Variants in TAS1R2 observed in about 807,000 individuals in gnomAD.
TAS1R2 encodes taste receptor type 1 member 2.
A neutral mutation model predicts 49.3 loss-of-function variants in TAS1R2; 47 were observed. That is an observed-to-expected ratio of 0.95 (90% CI 0.75 to 1.22). TAS1R2 has a LOEUF of 1.22. TAS1R2 is among the 50% of genes most tolerant of loss of function. The pLI, the probability that TAS1R2 is intolerant of heterozygous loss-of-function variation, is 0.00. For synonymous variants in TAS1R2, 479 were observed against 467.9 expected (o/e 1.02, Z -0.31); for missense variants, 1,155 against 1,122.1 (o/e 1.03, Z -0.42).
At chr1:18,857,779 C>T (rs1934168129) in intron 1 of TAS1R2, 148 bp from the exon 2 acceptor site, 2 of 843,444 alleles carry the variant, frequency 2.4e-6, no homozygotes, top group African/African-American at 1.7e-5. Flanking sequence ...GCATTTTCAC[C>T]ATGTCATTGT....
chr1:18,846,157 C>T (rs1038128331), intron 4 of TAS1R2, among the ~76,000 whole-genome samples: 4 of 152,204 alleles, frequency 2.6e-5, no homozygotes, highest in African/African-American at 9.6e-5. Context: ...AGCACCTGGC[C>T]TCGGCTACAC....
At position 18,841,668 on chromosome 1, in the gene TAS1R2, CCAGGGGCAGGG is replaced by C. The variant is rs774953417; in HGVS notation, c.1591+50_1591+60del. 2.8e-4 allele frequency: 438 copies of C among 1,576,642 alleles called. 1 individual carries two copies. In the Middle Eastern group the frequency reaches 6.5e-3, roughly 23 times the overall value. On this transcript the variant is annotated intron_variant, in intron 5 of 5. Transcript: ENST00000375371. ...CCAAGGAGGACAAGCCCTAGAGACT[CCAGGGGCAGGG>C]CAGGGGCAGGGCAGGGGCAGGGCAG...
chr1:18,840,256 G>A (rs202049971), exon 6 of TAS1R2: 16 of 1,614,012 alleles, frequency 9.9e-6, no homozygotes, highest in Middle Eastern at 1.6e-4. Flanking sequence ...GCGGCCCCAC[G>A]TACACCGGGA....
chr1:18,848,671 G>C (rs899682438), intron 4 of TAS1R2, among the ~76,000 whole-genome samples: 4 of 152,108 alleles, frequency 2.6e-5, no homozygotes, highest in Non-Finnish European at 5.9e-5. Flanking sequence ...CCTCCTGTCA[G>C]ATCAACATCC....
intron 3 of TAS1R2, among the ~76,000 whole-genome samples, chr1:18,849,941 T>C (rs1933991647): frequency 6.6e-6 from 1 of 152,192 alleles, no homozygotes; most frequent in Admixed American, 6.5e-5. Context: ...AAGGTGCTGA[T>C]AGATTTCCTT....
intron 2 of TAS1R2, 41 bp downstream of exon 2, chr1:18,857,290 C>A (rs775502253): frequency 1.3e-6 from 2 of 1,588,140 alleles, no homozygotes; most frequent in Non-Finnish European, 1.7e-6. Flanking sequence ...CATTCCTCTG[C>A]CCCCCTCCCC....
intron 3 of TAS1R2, among the ~76,000 whole-genome samples, chr1:18,850,249 T>C (rs4076837): frequency 0.12 from 18,346 of 152,294 alleles, 1,323 homozygotes; most frequent in Middle Eastern, 0.2. Context: ...TCTGAGCAAG[T>C]TTCTGAACCT....
intron 4 of TAS1R2, among the ~76,000 whole-genome samples, chr1:18,846,164 A>G (rs1933916857): frequency 6.6e-6 from 1 of 152,164 alleles, no homozygotes; most frequent in Admixed American, 6.5e-5. Flanking sequence ...GGCCTCGGCT[A>G]CACAGCTGTG....
intron 3 of TAS1R2, among the ~76,000 whole-genome samples, chr1:18,853,623 C>T (rs1195772872): frequency 2.0e-5 from 3 of 152,050 alleles, no homozygotes; most frequent in Admixed American, 1.3e-4. Context: ...GAGGCTGGCC[C>T]CAAACTGTGA....
rs1437018792 is a variant in TAS1R2, at chr1:18,854,544, A to G, written c.926T>C (p.Val309Ala). 1 of 1,613,670 alleles carries G rather than the reference A, an allele frequency of 6.2e-7. No individual in the cohort carries two copies. The highest frequency in any genetic ancestry group is 2.2e-5 in the East Asian group (1 of 44,890). Residue 309 changes from valine to alanine, a missense_variant, in exon 3 of 6, where the codon GTC (valine) becomes GCC (alanine). Transcript: ENST00000375371. The surrounding 1 kb of genome is among the most constrained non-coding windows in gnomAD (Gnocchi z 4.9). ...GCGCAGCTCCGTGAGGTTGTGCAGG[A>G]CCGGGTCGATGGCCCAGGACTCGGA... is the stretch of plus-strand genomic sequence containing the variant.
exon 4 of TAS1R2, chr1:18,849,439 G>C: frequency 6.2e-7 from 1 of 1,614,226 alleles, no homozygotes; most frequent in Non-Finnish European, 8.5e-7. Flanking sequence ...TTCTGGCTCC[G>C]GTCCCATTGC....
intron 1 of TAS1R2, 102 bp from the exon 2 acceptor site, chr1:18,857,733 G>T: frequency 1.5e-6 from 2 of 1,365,320 alleles, no homozygotes; most frequent in Non-Finnish European, 2.0e-6. Flanking sequence ...GGAAAGCCAA[G>T]GCATTGACTG....
rs143516189 is a variant in TAS1R2 at position 18,849,525 on chromosome 1, T to G, written c.1283A>C (p.Asn428Thr). Residue 428 changes from asparagine (N) to threonine (T), a missense_variant, in exon 4 of 6, where the codon AAC becomes ACC. Asn to Thr is a moderately conservative substitution (Grantham distance 65). Coordinates refer to ENST00000375371, the Ensembl canonical transcript of TAS1R2. The stretch of plus-strand genomic sequence containing the variant: ...GATTTGGTGGTCCAGGAGAGTGAAG[T>G]TGACCTTCCAGATCTCCTCAAGCAG... 4.6e-5 allele frequency: 75 copies of G among 1,614,204 alleles called. No individual in the cohort carries two copies. The African/African-American group carries it at 5.1e-4, about 11-fold the overall frequency.
intron 4 of TAS1R2, among the ~76,000 whole-genome samples, chr1:18,848,475 G>A (rs1353691270): frequency 6.6e-6 from 1 of 151,966 alleles, no homozygotes; most frequent in Non-Finnish European, 1.5e-5. Flanking sequence ...GTATACCCAC[G>A]AATAGAGGTC....
chr1:18,841,984 G>GAA (rs35542368), intron 4 of TAS1R2, 132 bp from the exon 5 acceptor site: 10,569 of 339,652 alleles, frequency 0.031, 4 homozygotes, highest in East Asian at 0.04. Context: ...GGAAACTGTA[G>GAA]AAAAAAAAAA....
chr1:18,850,685 G>A (rs1187875865), intron 3 of TAS1R2, among the ~76,000 whole-genome samples: 1 of 152,236 alleles, frequency 6.6e-6, no homozygotes, highest in African/African-American at 2.4e-5. Context: ...CACCCCCAAG[G>A]GGTCGGAAAG....
chr1:18,858,091 C>T (rs1466892223), intron 1 of TAS1R2, among the ~76,000 whole-genome samples: 1 of 151,710 alleles, frequency 6.6e-6, no homozygotes, highest in African/African-American at 2.4e-5. Flanking sequence ...ATTATCACAG[C>T]CATCATCACC....
At chr1:18,851,852 C>T (rs912506400) in intron 3 of TAS1R2, among the ~76,000 whole-genome samples, 1 of 152,188 alleles carries the variant, frequency 6.6e-6, no homozygotes, top group Non-Finnish European at 1.5e-5. Flanking sequence ...TCCCTTACCA[C>T]CACCCCTGGC....
At chr1:18,855,969 C>G (rs1472702934) in intron 2 of TAS1R2, among the ~76,000 whole-genome samples, 1 of 152,224 alleles carries the variant, frequency 6.6e-6, no homozygotes, top group African/African-American at 2.4e-5. Context: ...CCGGCCTGCA[C>G]TGCAACATTA....
Sources: allele counts gnomAD v4.1 joint callset (sites outside exome capture counted in the v4.1 genomes callset), GRCh38; gene constraint gnomAD v4.1.1; non-coding constraint Gnocchi (gnomAD v3.1); transcripts MANE v1.5; gene names NCBI Gene and HGNC (gene_info 2026-07-23, HGNC 2026-07-21).